The following MYO5C variants were observed in gnomAD, a reference collection of about 807,000 sequenced individuals.
The protein encoded by MYO5C is myosin VC.
MYO5C carries 194 observed loss-of-function variants against 235.7 expected under a neutral mutation model. The ratio of observed to expected loss-of-function variants is 0.82; its 90% confidence interval spans 0.73 to 0.93. MYO5C has a LOEUF of 0.93. MYO5C is among the 40% of genes least tolerant of loss of function. MYO5C has a pLI of 0.00. For synonymous variants in MYO5C, 707 were observed against 754.8 expected (o/e 0.94, Z 1.04); for missense variants, 2,038 against 2,127.2 (o/e 0.96, Z 0.82).
At chr15:52,224,334 C>T (rs754430756) in intron 28 of MYO5C, among the ~76,000 whole-genome samples, 3 of 152,246 alleles carry the variant, frequency 2.0e-5, no homozygotes, top group Admixed American at 6.5e-5. Context: ...GTTGTGGATA[C>T]GAGTCATTAT....
At chr15:52,249,881 G>T (rs1885665938) in intron 13 of MYO5C, among the ~76,000 whole-genome samples, 1 of 152,220 alleles carries the variant, frequency 6.6e-6, no homozygotes, top group Non-Finnish European at 1.5e-5. Context: ...CCTGGCCAAT[G>T]AGATTGAAAA....
At position 52,204,865 on chromosome 15, in the gene MYO5C, C is replaced by T; in HGVS notation, c.4820G>A (p.Arg1607Lys). 6.2e-7 allele frequency: 1 copy of T among 1,613,714 alleles called. No individual in the cohort carries two copies. The highest frequency in any genetic ancestry group is 8.5e-7 in the Non-Finnish European group (1 of 1,179,846). The stretch of plus-strand genomic sequence containing the variant: ...GTGAGCGGAGGTTTCTGGGTTTTAC[C>T]TGATCTGCATCCCTTTTCTGCAGGA... Reference protein sequence around the residue: ...MCSCRKGMQIRCNISYLEEWL... With the variant: ...MCSCRKGMQIKCNISYLEEWL... The change falls in exon 38 of 41, where the codon AGG becomes AAG. Residue 1607 changes from arginine (R) to lysine (K), a missense_variant and splice_region_variant. By Grantham distance (26) the Arg-to-Lys change is conservative. Transcript: ENST00000261839.
intron 8 of MYO5C, 62 bp from the exon 9 acceptor site, chr15:52,264,358 C>A: frequency 7.8e-7 from 1 of 1,280,336 alleles, no homozygotes. Flanking sequence ...GTAAGATGGG[C>A]ACCTGGATTC....
chr15:52,253,169 G>C, intron 12 of MYO5C, 148 bp downstream of exon 12: 1 of 833,832 alleles, frequency 1.2e-6, no homozygotes, highest in East Asian at 2.5e-5. Flanking sequence ...TGGGGTCCCT[G>C]CTGTGGATGC....
intron 33 of MYO5C, 190 bp from the exon 34 acceptor site, chr15:52,213,476 T>A (rs569103415): frequency 3.9e-5 from 21 of 535,314 alleles, no homozygotes; most frequent in Non-Finnish European, 6.4e-5. Context: ...TATGAGTACA[T>A]CAGTGAGTAC....
chr15:52,204,749 G>A, intron 38 of MYO5C, 116 bp downstream of exon 38: 2 of 1,248,140 alleles, frequency 1.6e-6, no homozygotes, highest in South Asian at 3.0e-5. Flanking sequence ...TACAGCAGTA[G>A]GGCCTAAACA....
At position 52,248,591 on chromosome 15, in the gene MYO5C, C is replaced by CACAA. The variant is rs1233311744; in HGVS notation, c.1746+108_1746+109insTTGT. 11 of 775,374 alleles carry CACAA rather than the reference C, an allele frequency of 1.4e-5. No individual in the cohort carries two copies. The East Asian group carries it at 2.4e-4, about 17-fold the overall frequency. The allele number at this position is 775,374 out of a possible 1,614,324, so 48.0% of individuals were successfully genotyped here. A position where few individuals can be genotyped will look rare whatever the true frequency, so the allele number is the denominator to read the frequency against. ...CTTACCACTGTCCAGAGAGTTCACA[C>CACAA]ACACACACACACACACTCTCTCTCT... On this transcript the variant is annotated intron_variant, in intron 14 of 40. Coordinates refer to ENST00000261839, the MANE Select transcript of MYO5C (RefSeq NM_018728.4).
intron 5 of MYO5C, among the ~76,000 whole-genome samples, chr15:52,275,336 T>C (rs1265102121): frequency 6.6e-6 from 1 of 152,188 alleles, no homozygotes; most frequent in Non-Finnish European, 1.5e-5. Context: ...TGGAGTCTGA[T>C]GGTAGATTTC....
intron 22 of MYO5C, 163 bp downstream of exon 22, chr15:52,237,319 G>T: frequency 1.3e-6 from 1 of 758,524 alleles, no homozygotes; most frequent in Non-Finnish European, 2.1e-6. Context: ...CTAATCCTCT[G>T]ATCTCGCCTT....
chr15:52,200,292 G>A (rs549140743), intron 38 of MYO5C, among the ~76,000 whole-genome samples: 1 of 152,236 alleles, frequency 6.6e-6, no homozygotes, highest in East Asian at 1.9e-4. Flanking sequence ...TCTTGGCCAG[G>A]GATGGTGGCT....
In MYO5C at chr15:52,264,236, C is replaced by A; in HGVS notation, c.1001G>T (p.Gly334Val). Reference protein sequence around the residue: ...FKILAAILHLGNVQITAVGNE... With the variant: ...FKILAAILHLVNVQITAVGNE... ...GCCCACCGCGGTGATCTGCACATTGCCCAGATGTAGGATGGCTGCCAGGAT... is the reference window on the plus strand; with the variant it reads ...GCCCACCGCGGTGATCTGCACATTGACCAGATGTAGGATGGCTGCCAGGAT... The change falls in exon 9 of 41, where the codon GGC (glycine) becomes GTC (valine). Residue 334 changes from glycine to valine, a missense_variant. Gly to Val is a moderately radical substitution (Grantham distance 109). Coordinates refer to ENST00000261839, the MANE Select transcript of MYO5C (RefSeq NM_018728.4). 1 of 1,614,110 alleles carries A rather than the reference C, an allele frequency of 6.2e-7. No homozygotes were observed. The highest frequency in any genetic ancestry group is 8.5e-7 in the Non-Finnish European group (1 of 1,179,948).
At chr15:52,256,562 A>ACAC in intron 11 of MYO5C, 77 bp downstream of exon 11, 1 of 631,924 alleles carries the variant, frequency 1.6e-6, no homozygotes, top group Non-Finnish European at 2.7e-6. Context: ...TCTTTCCACG[A>ACAC]ACACACACAC....
At position 52,214,690 on chromosome 15, in the gene MYO5C, C is replaced by T; in HGVS notation, c.3955G>A (p.Asp1319Asn). Residue 1319 changes from aspartate to asparagine, a missense_variant and splice_region_variant, in exon 33 of 41, where the codon GAT becomes AAT. Physicochemically the swap from Asp to Asn is conservative, Grantham distance 23 (BLOSUM62 1). Coordinates refer to ENST00000261839, the MANE Select transcript of MYO5C (RefSeq NM_018728.4). ...EASRLTLENRDLEEELDMKDR... is the reference protein window; with the variant it reads ...EASRLTLENRNLEEELDMKDR... Reference sequence around the variant, plus strand: ...TTCATGTCTAATTCTTCTTCAAGATCCTACAGCAATAAAAAGAAACCAGGA... The same window carrying T: ...TTCATGTCTAATTCTTCTTCAAGATTCTACAGCAATAAAAAGAAACCAGGA... 1 of 1,588,562 alleles carries T rather than the reference C, an allele frequency of 6.3e-7. No individual in the cohort carries two copies. The highest frequency in any genetic ancestry group is 8.6e-7 in the Non-Finnish European group (1 of 1,169,262).
chr15:52,205,085 G>C lies in MYO5C; in HGVS notation c.4600C>G (p.Arg1534Gly). 3 of 1,614,184 alleles carry C rather than the reference G, an allele frequency of 1.9e-6. No individual in the cohort carries two copies. Among genetic ancestry groups the C allele is most frequent in the Non-Finnish European group, 2.5e-6 (3 of 1,180,038 alleles). ...GISGLKPTGF[R>G]KRSSSIDDTD... ...TCGTCTATGCTAGAGGAGCGCTTCC[G>C]GAAGCCTGTGGGCTTCAGGCCGGAA... The change falls in exon 38 of 41, where the codon CGG becomes GGG. Residue 1534 changes from arginine (R) to glycine (G), a missense_variant. By Grantham distance (125) the Arg-to-Gly change is moderately radical. Transcript: ENST00000261839.
intron 11 of MYO5C, among the ~76,000 whole-genome samples, 170 bp from the exon 12 acceptor site, chr15:52,253,627 T>C (rs1378471462): frequency 6.6e-6 from 1 of 152,154 alleles, no homozygotes; most frequent in African/African-American, 2.4e-5. Context: ...TACCGCCGAG[T>C]TCCTAAAGCG....
intron 1 of MYO5C, among the ~76,000 whole-genome samples, chr15:52,288,113 C>CACTA (rs1213422928): frequency 2.0e-5 from 3 of 152,174 alleles, no homozygotes; most frequent in Admixed American, 6.5e-5. Flanking sequence ...ATGTGAAAGT[C>CACTA]ACTAGGCCAA....
chr15:52,284,795 G>A (rs1196547171), intron 1 of MYO5C, among the ~76,000 whole-genome samples: 2 of 151,808 alleles, frequency 1.3e-5, no homozygotes, highest in Non-Finnish European at 2.9e-5. Flanking sequence ...CCAGAATCCA[G>A]GTGGTAAAAC....
chr15:52,248,623 CCTTA>C (rs2036405164), intron 14 of MYO5C, 73 bp downstream of exon 14: 2 of 1,022,892 alleles, frequency 2.0e-6, no homozygotes, highest in Non-Finnish European at 3.1e-6. Flanking sequence ...CTCTCTCTCT[CCTTA>C]CTCTTTCCTT....
chr15:52,202,984 G>A (rs1314486533), intron 38 of MYO5C, among the ~76,000 whole-genome samples: 1 of 151,142 alleles, frequency 6.6e-6, no homozygotes, highest in Non-Finnish European at 1.5e-5. Context: ...GCTGAGGCGC[G>A]ATCTTGGCTC....
Sources: gnomAD v4.1 joint callset for allele counts (sites outside exome capture counted in the v4.1 genomes callset) on GRCh38, gnomAD v4.1.1 for gene constraint, MANE v1.5 for transcripts, NCBI Gene and HGNC (gene_info 2026-07-23, HGNC 2026-07-21) for gene names.